The following HDAC4 variants were observed in gnomAD, a reference collection of about 807,000 sequenced individuals.
HDAC4 encodes histone deacetylase 4, also known as histone deacetylase A.
A neutral mutation model predicts 135.1 loss-of-function variants in HDAC4; 16 were observed. The observed-to-expected ratio is 0.12, with a 90% CI of 0.08 to 0.18. HDAC4 has a LOEUF of 0.18. HDAC4 is among the 10% of genes least tolerant of loss of function. The pLI, the probability that HDAC4 is intolerant of heterozygous loss-of-function variation, is 1.00. For synonymous variants in HDAC4, 685 were observed against 653.4 expected (o/e 1.05, Z -0.74); for missense variants, 1,143 against 1,511.8 (o/e 0.76, Z 4.05).
At chr2:239,152,988 C>A (rs1251076144) in intron 7 of HDAC4, among the ~76,000 whole-genome samples, 1 of 152,186 alleles carries the variant, frequency 6.6e-6, no homozygotes, top group East Asian at 1.9e-4. Context: ...AACTGAGGCA[C>A]AGAGAGGTTC....
At chr2:239,312,905 A>AGACC (rs1174596305) in intron 2 of HDAC4, among the ~76,000 whole-genome samples, 1 of 152,190 alleles carries the variant, frequency 6.6e-6, no homozygotes, top group Admixed American at 6.5e-5. Context: ...GAGCCTCTGA[A>AGACC]GACCGCTCCA....
chr2:239,173,993 T>C (rs2043603643), intron 5 of HDAC4, among the ~76,000 whole-genome samples: 1 of 152,184 alleles, frequency 6.6e-6, no homozygotes, highest in Admixed American at 6.5e-5. Context: ...AAATAATCAA[T>C]GTTGTAAAAA....
In HDAC4 at chr2:239,170,109, G is replaced by A. The variant is rs57590969; in HGVS notation, c.491-6186C>T. Among the ~76,000 whole-genome samples the A allele has an allele frequency of 2.8e-3, 423 of 152,274 alleles. 2 individuals carry two copies. Among genetic ancestry groups the A allele is most frequent in the African/African-American group, 9.7e-3 (405 of 41,548 alleles). ...AATTGATAAAAGTGTTAGTTTTATG[G>A]ACAAAAACAATTACTAAGAACTTGG... is the stretch of plus-strand genomic sequence containing the variant. On this transcript the variant is annotated intron_variant, in intron 5 of 26. Transcript: ENST00000543185.
chr2:239,066,004 T>C (rs187342204), intron 24 of HDAC4, among the ~76,000 whole-genome samples: 1 of 152,322 alleles, frequency 6.6e-6, no homozygotes, highest in African/African-American at 2.4e-5. Flanking sequence ...GAGGTGGATA[T>C]GACATTGGTA....
At chr2:239,171,460 A>G (rs190038158) in intron 5 of HDAC4, among the ~76,000 whole-genome samples, 238 of 152,332 alleles carry the variant, frequency 1.6e-3, no homozygotes, top group African/African-American at 5.5e-3. Context: ...GAGGCAAAAG[A>G]AAAAGGAAAC....
rs185743126 is a variant in HDAC4, at chr2:239,179,194, C to T, written c.340-2631G>A. On this transcript the variant is annotated intron_variant, in intron 4 of 26. Transcript: ENST00000543185. ...GATGCCTGTGCTCCATGAGTGGCTG[C>T]GCTGGCACAGCAGGACTGGCGCCCA... Among the ~76,000 whole-genome samples the T allele has an allele frequency of 4.2e-3, 640 of 152,338 alleles. 5 individuals carry two copies. The highest frequency in any genetic ancestry group is 0.015 in the African/African-American group (614 of 41,580).
At chr2:239,161,913 T>G in intron 6 of HDAC4, 1 of 366,484 alleles carries the variant, frequency 2.7e-6, no homozygotes, top group South Asian at 2.0e-5. Context: ...CGTGGCCTCC[T>G]TGACTGCAGG....
At position 239,134,517 on chromosome 2, in the gene HDAC4, G is replaced by C. The variant is rs11896634; in HGVS notation, c.1095+10C>G. The stretch of plus-strand genomic sequence containing the variant: ...CCCCACACCACACGGACCCACGGGG[G>C]CTGACTTACCGCAGAGGGGCCGGTG... On this transcript the variant is annotated intron_variant, in intron 10 of 26. Transcript: ENST00000543185. The C allele has an allele frequency of 4.7e-4, 755 of 1,613,512 alleles. 2 individuals are homozygous for C. The African/African-American group carries it at 9.1e-3, about 20-fold the overall frequency.
intron 12 of HDAC4, among the ~76,000 whole-genome samples, chr2:239,117,381 G>A (rs1049535141): frequency 4.6e-5 from 7 of 152,154 alleles, no homozygotes; most frequent in African/African-American, 1.7e-4. Flanking sequence ...ACACCAAAAA[G>A]GAAGCAGCTC....
rs147761055 is a variant in HDAC4 at position 239,050,450 on chromosome 2, T to C, written c.*2647A>G. ...TGGGCCCTGCCACTGCTCTGTGCCA[T>C]GAATGGGGAATGGACCAGCTCCTCT... On this transcript the variant is annotated 3_prime_UTR_variant, in exon 27 of 27. Coordinates refer to ENST00000543185, the MANE Select transcript of HDAC4 (RefSeq NM_001378414.1). 414 of 152,514 alleles carry C rather than the reference T, an allele frequency of 2.7e-3. 2 individuals are homozygous for C. The highest frequency in any genetic ancestry group is 0.02 in the East Asian group (105 of 5,182). 9.4% of individuals were successfully genotyped at this position (152,514 alleles called of 1,614,324 possible).
intron 2 of HDAC4, among the ~76,000 whole-genome samples, chr2:239,351,247 T>C (rs993545335): frequency 3.9e-5 from 6 of 152,220 alleles, no homozygotes; most frequent in African/African-American, 1.4e-4. Flanking sequence ...CAATTTGGAA[T>C]TGGTATAAAC....
intron 13 of HDAC4, among the ~76,000 whole-genome samples, chr2:239,114,828 G>A (rs1239744048): frequency 1.3e-5 from 2 of 152,136 alleles, no homozygotes; most frequent in African/African-American, 2.4e-5. Flanking sequence ...AAGCAGTTAC[G>A]TAACCACCCA....
At chr2:239,250,812 G>A (rs1367723827) in intron 2 of HDAC4, among the ~76,000 whole-genome samples, 2 of 152,214 alleles carry the variant, frequency 1.3e-5, no homozygotes, top group African/African-American at 4.8e-5. Context: ...GAAGGGGCAC[G>A]ACAGTGGACT....
At chr2:239,054,625 G>T (rs1488812383) in intron 25 of HDAC4, 124 bp downstream of exon 25, 4 of 755,322 alleles carry the variant, frequency 5.3e-6, no homozygotes, top group Non-Finnish European at 7.3e-6. Flanking sequence ...TCTGCTGCAG[G>T]CCTGGGGAAG....
chr2:239,146,770 C>A lies in HDAC4; in HGVS notation c.734-2056G>T, dbSNP rs2041793222. 6.6e-6 allele frequency among the ~76,000 whole-genome samples: 1 copy of A among 151,660 alleles called. No homozygotes were observed. The highest frequency in any genetic ancestry group is 2.4e-5 in the African/African-American group (1 of 41,160). On this transcript the variant is annotated intron_variant, in intron 7 of 26. Transcript: ENST00000543185. The surrounding 1 kb of genome is among the most constrained non-coding windows in gnomAD (Gnocchi z 4.5). ...GCTCCACGCCCCTCCCAAGGCTGCC[C>A]TGACCCCCCACAGCCCCACTGCCCC...
chr2:239,318,598 A>G (rs2125747060), intron 2 of HDAC4, among the ~76,000 whole-genome samples: 1 of 152,230 alleles, frequency 6.6e-6, no homozygotes, highest in South Asian at 2.1e-4. Context: ...CCGTAGTTGA[A>G]GAGTGACCAC....
At chr2:239,282,066 TAC>T (rs1402479826) in intron 2 of HDAC4, among the ~76,000 whole-genome samples, 2 of 149,892 alleles carry the variant, frequency 1.3e-5, no homozygotes, top group South Asian at 4.3e-4. Flanking sequence ...CCCACCACTC[TAC>T]ACACAATGTA....
chr2:239,186,662 G>A (rs2044568162), intron 4 of HDAC4: 1 of 152,270 alleles, frequency 6.6e-6, no homozygotes, highest in Non-Finnish European at 1.5e-5. Context: ...AGCATGGCCT[G>A]AAGGCCTGGC....
intron 2 of HDAC4, among the ~76,000 whole-genome samples, chr2:239,335,024 C>CAAAAAA (rs35641548): frequency 1.1e-5 from 1 of 94,480 alleles, no homozygotes; most frequent in Non-Finnish European, 2.0e-5. Flanking sequence ...GACTCCATCT[C>CAAAAAA]AAAAAAAAAA....
Sources: gnomAD v4.1 joint callset for allele counts (sites outside exome capture counted in the v4.1 genomes callset) on GRCh38, gnomAD v4.1.1 for gene constraint, Gnocchi (gnomAD v3.1) non-coding constraint, MANE v1.5 for transcripts, NCBI Gene and HGNC (gene_info 2026-07-23, HGNC 2026-07-21) for gene names.